The following FILIP1L variants were observed in gnomAD, a reference collection of about 807,000 sequenced individuals.
The protein encoded by FILIP1L is filamin A-interacting protein 1-like.
FILIP1L carries 55 observed loss-of-function variants against 96.6 expected under a neutral mutation model. The ratio of observed to expected loss-of-function variants is 0.57; its 90% confidence interval spans 0.46 to 0.71. FILIP1L has a LOEUF of 0.71. Among genes scored for constraint, FILIP1L ranks in the 30% least tolerant of loss-of-function variants. The probability of loss-of-function intolerance (pLI) is 0.00; values close to 1 mark genes in which losing one functional copy is unlikely to be tolerated. For synonymous variants in FILIP1L, 467 were observed against 473.9 expected (o/e 0.99, Z 0.19); for missense variants, 1,304 against 1,321.2 (o/e 0.99, Z 0.20).
At chr3:99,884,986 G>C (rs1474070581) in intron 4 of FILIP1L, among the ~76,000 whole-genome samples, 3 of 152,212 alleles carry the variant, frequency 2.0e-5, no homozygotes, top group African/African-American at 2.4e-5. Context: ...AACCATGCAA[G>C]TGGGGAAAAT....
At chr3:99,887,195 A>C (rs1452961783) in intron 4 of FILIP1L, among the ~76,000 whole-genome samples, 1 of 151,932 alleles carries the variant, frequency 6.6e-6, no homozygotes, top group Admixed American at 6.6e-5. Context: ...TGAACCCAGG[A>C]GGAGGAGGTC....
chr3:100,072,855 C>T (rs543632099), intron 1 of FILIP1L, among the ~76,000 whole-genome samples: 1 of 152,148 alleles, frequency 6.6e-6, no homozygotes, highest in Non-Finnish European at 1.5e-5. Flanking sequence ...TCTCCTTCCC[C>T]CATAAACTAC....
At chr3:99,921,463 A>G (rs1707122470) in intron 4 of FILIP1L, among the ~76,000 whole-genome samples, 1 of 152,174 alleles carries the variant, frequency 6.6e-6, no homozygotes, top group Non-Finnish European at 1.5e-5. Flanking sequence ...CACACTACCA[A>G]GATACTGGAA....
chr3:100,064,059 CTTGTTTTGTTTGTTCT>C (rs941595224), intron 1 of FILIP1L, among the ~76,000 whole-genome samples: 1 of 152,124 alleles, frequency 6.6e-6, no homozygotes, highest in Non-Finnish European at 1.5e-5. Flanking sequence ...TGGAAGAGTT[CTTGTTTTGTTTGTTCT>C]TTGTTTTGTT....
chr3:99,938,074 T>TGTGTGTGCGC (rs1431638787), intron 1 of FILIP1L, among the ~76,000 whole-genome samples: 2 of 85,210 alleles, frequency 2.3e-5, no homozygotes, highest in African/African-American at 8.1e-5. Flanking sequence ...TGTGTGTGTG[T>TGTGTGTGCGC]GCGCGCGCGC....
chr3:99,947,308 A>G (rs1161822875), intron 1 of FILIP1L, among the ~76,000 whole-genome samples: 1 of 152,186 alleles, frequency 6.6e-6, no homozygotes, highest in Non-Finnish European at 1.5e-5. Flanking sequence ...TATACTATAC[A>G]TATTGTTTAG....
chr3:99,987,136 A>G (rs1277279310), intron 1 of FILIP1L, among the ~76,000 whole-genome samples: 2 of 152,048 alleles, frequency 1.3e-5, no homozygotes, highest in Non-Finnish European at 2.9e-5. Flanking sequence ...AGGCTGAGGC[A>G]GGAGGATCAC....
chr3:100,065,384 A>T (rs2065646482), intron 1 of FILIP1L, among the ~76,000 whole-genome samples: 1 of 152,204 alleles, frequency 6.6e-6, no homozygotes, highest in African/African-American at 2.4e-5. Context: ...AAGGAAGTGG[A>T]GAGTCAGAGG....
At chr3:99,992,456 T>C (rs1029886380) in intron 1 of FILIP1L, among the ~76,000 whole-genome samples, 3 of 152,124 alleles carry the variant, frequency 2.0e-5, no homozygotes, top group Non-Finnish European at 4.4e-5. Flanking sequence ...TGTTGGCTGC[T>C]TGTATGTCTT....
chr3:99,854,702 A>C (rs1181927341), intron 4 of FILIP1L, among the ~76,000 whole-genome samples: 1 of 152,072 alleles, frequency 6.6e-6, no homozygotes. Flanking sequence ...AGTCACCTCC[A>C]GTTGAGAACT....
chr3:99,859,432 ACTTCATTTTGATGG>A (rs1944133891), intron 4 of FILIP1L, among the ~76,000 whole-genome samples: 1 of 152,212 alleles, frequency 6.6e-6, no homozygotes, highest in South Asian at 2.1e-4. Context: ...TAAGTATGTA[ACTTCATTTTGATGG>A]GCTTAAATTC....
At chr3:99,847,823 G>T in intron 5 of FILIP1L, 2 of 441,726 alleles carry the variant, frequency 4.5e-6, no homozygotes, top group Non-Finnish European at 6.0e-6. Flanking sequence ...GGTCCTGTTT[G>T]TTTTTAAGGA....
intron 1 of FILIP1L, among the ~76,000 whole-genome samples, chr3:100,021,055 A>G (rs2064806966): frequency 1.3e-5 from 2 of 152,096 alleles, no homozygotes; most frequent in South Asian, 4.1e-4. Context: ...GTGAGCCACC[A>G]CGCCTAGCCT....
Position 99,849,713 on chromosome 3 carries a change from C to A in FILIP1L, c.1963G>T (p.Glu655Ter), listed in dbSNP as rs1943563570. 6.2e-7 allele frequency: 1 copy of A among 1,613,694 alleles called. No homozygotes were observed. The highest frequency in any genetic ancestry group is 8.5e-7 in the Non-Finnish European group (1 of 1,179,966). ...IEDDLMKTED[E>*]YETLERRYAN... ...TACCTTCGTTCTAGAGTCTCATATT[C>A]ATCTTCTGTTTTCATGAGGTCATCC... The change falls in exon 5 of 6, where the codon GAA (glutamate) becomes TAA (stop). Residue 655 changes from glutamate (E) to a stop codon, truncating the protein, a stop_gained. Transcript: ENST00000477258. LOFTEE classifies it high-confidence loss of function.
intron 1 of FILIP1L, among the ~76,000 whole-genome samples, chr3:100,091,569 T>C (rs2066110717): frequency 6.6e-6 from 1 of 152,222 alleles, no homozygotes; most frequent in Non-Finnish European, 1.5e-5. Context: ...TCACCAAAAG[T>C]GTAGCCATGT....
chr3:100,061,468 T>C (rs1159971255), intron 1 of FILIP1L, among the ~76,000 whole-genome samples: 8 of 152,256 alleles, frequency 5.3e-5, no homozygotes, highest in Admixed American at 2.0e-4. Flanking sequence ...TTTTACTTTC[T>C]TTCTCCTCCT....
intron 4 of FILIP1L, among the ~76,000 whole-genome samples, chr3:99,919,993 G>A (rs1172437857): frequency 2.0e-5 from 3 of 152,304 alleles, no homozygotes; most frequent in Non-Finnish European, 2.9e-5. Context: ...TCTTTGTGGT[G>A]TTTGAGAAGC....
At chr3:100,070,136 T>C (rs1272775137) in intron 1 of FILIP1L, among the ~76,000 whole-genome samples, 1 of 152,204 alleles carries the variant, frequency 6.6e-6, no homozygotes, top group African/African-American at 2.4e-5. Context: ...ACAGCTAACA[T>C]GAAGTGCTCT....
intron 1 of FILIP1L, among the ~76,000 whole-genome samples, chr3:100,067,500 G>C (rs755612942): frequency 2.0e-5 from 3 of 152,088 alleles, no homozygotes; most frequent in Non-Finnish European, 4.4e-5. Context: ...GTGTTTTTCA[G>C]GTGAAATCTG....
Sources: gnomAD v4.1 joint callset for allele counts (sites outside exome capture counted in the v4.1 genomes callset) on GRCh38, gnomAD v4.1.1 for gene constraint, MANE v1.5 for transcripts, NCBI Gene and HGNC (gene_info 2026-07-23, HGNC 2026-07-21) for gene names.